Variants in SRSF10 observed in about 807,000 individuals in gnomAD.
The protein encoded by SRSF10 is serine and arginine rich splicing factor 10.
Under a neutral mutation model 32.6 loss-of-function variants are expected in SRSF10, and 9 were observed. The observed-to-expected ratio is 0.28, with a 90% CI of 0.17 to 0.48. SRSF10 has a LOEUF of 0.48. Ranked by LOEUF, SRSF10 falls within the 20% of genes least tolerant of loss-of-function variation. SRSF10 has a pLI of 0.99. For synonymous variants in SRSF10, 105 were observed against 112.4 expected (o/e 0.93, Z 0.42); for missense variants, 201 against 331.8 (o/e 0.61, Z 3.06).
rs1475647398 is a variant in SRSF10, at chr1:23,966,859, G to A, written c.*4283C>T. On this transcript the variant is annotated 3_prime_UTR_variant, in exon 6 of 6. Transcript: ENST00000492112. The stretch of plus-strand genomic sequence containing the variant: ...AATTACTTATCCTTGATCGTATATT[G>A]TGTTCTATAATTACATTGATACGAA... 6.6e-6 allele frequency: 1 copy of A among 151,932 alleles called. No homozygotes were observed. Among genetic ancestry groups the A allele is most frequent in the Non-Finnish European group, 1.5e-5 (1 of 67,924 alleles). 9.4% of individuals were successfully genotyped at this position (151,932 alleles called of 1,614,324 possible).
At position 23,970,861 on chromosome 1, in the gene SRSF10, A is replaced by G. The variant is rs1383187517; in HGVS notation, c.*281T>C. ...CAATGTTGCAAATTATGGTCAACCA[A>G]CATCTTTTCACCAAATACTTCAAGC... On this transcript the variant is annotated 3_prime_UTR_variant, in exon 6 of 6. Coordinates refer to ENST00000492112, the MANE Select transcript of SRSF10 (RefSeq NM_054016.4). 1 of 1,161,246 alleles carries G rather than the reference A, an allele frequency of 8.6e-7. No individual in the cohort carries two copies. Among genetic ancestry groups the G allele is most frequent in the Non-Finnish European group, 1.1e-6 (1 of 943,592 alleles). 71.9% of individuals were successfully genotyped at this position (1,161,246 alleles called of 1,614,324 possible).
rs1641498672 is a variant in SRSF10 at position 23,967,263 on chromosome 1, T to G, written c.*3879A>C. 1 of 161,952 alleles carries G rather than the reference T, an allele frequency of 6.2e-6. No homozygotes were observed. Among genetic ancestry groups the G allele is most frequent in the African/African-American group, 2.4e-5 (1 of 41,776 alleles). The allele number at this position is 161,952 out of a possible 1,614,324, so 10.0% of individuals were successfully genotyped here. ...AAACAAAGGCAAGATTTGCCAATAA[T>G]GGCAAAAATGGAACTTTTATATTGG... On this transcript the variant is annotated 3_prime_UTR_variant, in exon 6 of 6. Coordinates refer to ENST00000492112, the MANE Select transcript of SRSF10 (RefSeq NM_054016.4).
chr1:23,975,138 T>G (rs1393248552), intron 2 of SRSF10, 61 bp from the exon 3 acceptor site: 7 of 1,280,558 alleles, frequency 5.5e-6, no homozygotes, highest in Non-Finnish European at 6.8e-6. Context: ...GAAAGTTCAG[T>G]TGGTATGTCT....
intron 2 of SRSF10, 27 bp downstream of exon 2, chr1:23,978,686 C>T: frequency 6.2e-7 from 1 of 1,603,878 alleles, no homozygotes; most frequent in Non-Finnish European, 8.5e-7. Context: ...ACACCCCTCA[C>T]TAATCAGCCA....
chr1:23,978,606 A>G, intron 2 of SRSF10, 107 bp downstream of exon 2: 1 of 1,372,142 alleles, frequency 7.3e-7, no homozygotes. Flanking sequence ...GAAGACAGAC[A>G]TTTATTAGAG....
chr1:23,969,959 C>CAT lies in SRSF10; in HGVS notation c.*1182_*1183insAT, dbSNP rs1641646529. The stretch of plus-strand genomic sequence containing the variant: ...ATAAAGAGGCAGGCAAATTTTGATA[C>CAT]AAATGCACGAGCCAAGTGCTGTAAG... On this transcript the variant is annotated 3_prime_UTR_variant, in exon 6 of 6. Coordinates refer to ENST00000492112, the MANE Select transcript of SRSF10 (RefSeq NM_054016.4). 1.0e-6 allele frequency: 1 copy of CAT among 985,200 alleles called. No homozygotes were observed. Among genetic ancestry groups the CAT allele is most frequent in the African/African-American group, 1.7e-5 (1 of 57,178 alleles). 61.0% of individuals were successfully genotyped at this position (985,200 alleles called of 1,614,324 possible). A position where few individuals can be genotyped will look rare whatever the true frequency, so the allele number is the denominator to read the frequency against.
At chr1:23,978,566 G>A (rs1308244441) in intron 2 of SRSF10, 147 bp downstream of exon 2, 1 of 1,022,138 alleles carries the variant, frequency 9.8e-7, no homozygotes, top group African/African-American at 1.6e-5. Context: ...CGAGAGCAAT[G>A]TGTGAGTCAG....
At position 23,980,185 on chromosome 1, in the gene SRSF10, A is replaced by G; in HGVS notation, c.65+6T>C. 2 of 1,532,034 alleles carry G rather than the reference A, an allele frequency of 1.3e-6. No homozygotes were observed. Among genetic ancestry groups the G allele is most frequent in the South Asian group, 2.4e-5 (2 of 83,440 alleles). 94.9% of individuals were successfully genotyped at this position (1,532,034 alleles called of 1,614,324 possible). ...CCTAGGCCCGGAGTACCTGCCTTGT[A>G]CCTACCTGGTGTCGTCGGCCACGTT... is the stretch of plus-strand genomic sequence containing the variant. On this transcript the variant is annotated splice_donor_region_variant and intron_variant, in intron 1 of 5. Transcript: ENST00000492112.
At chr1:23,978,883 C>A in intron 1 of SRSF10, 66 bp from the exon 2 acceptor site, 1 of 1,382,032 alleles carries the variant, frequency 7.2e-7, no homozygotes, top group Non-Finnish European at 9.8e-7. Context: ...GGCAATATAT[C>A]TTTTTGATGA....
At chr1:23,979,802 G>A (rs1316767748) in intron 1 of SRSF10, among the ~76,000 whole-genome samples, 5 of 5,198 alleles carry the variant, frequency 9.6e-4, no homozygotes, top group African/African-American at 1.3e-3. Flanking sequence ...TTTTTTGGCT[G>A]GGGAAAAAAA....
chr1:23,979,999 G>A (rs1290698866), intron 1 of SRSF10, among the ~76,000 whole-genome samples, 192 bp downstream of exon 1: 2 of 152,240 alleles, frequency 1.3e-5, no homozygotes, highest in South Asian at 2.1e-4. Context: ...GCCCGGCGAA[G>A]GCAGAGGCGC....
chr1:23,970,216 A>G lies in SRSF10; in HGVS notation c.*926T>C. 2 of 985,414 alleles carry G rather than the reference A, an allele frequency of 2.0e-6. No individual in the cohort carries two copies. The highest frequency in any genetic ancestry group is 2.4e-6 in the Non-Finnish European group (2 of 829,932). The allele number at this position is 985,414 out of a possible 1,614,324, so 61.0% of individuals were successfully genotyped here. On this transcript the variant is annotated 3_prime_UTR_variant, in exon 6 of 6. Coordinates refer to ENST00000492112, the MANE Select transcript of SRSF10 (RefSeq NM_054016.4). ...TGTGTTTTCTATGTTCCAAATCTTC[A>G]TAGGAACCAGAAAAAAAGCAGTGAA... is the stretch of plus-strand genomic sequence containing the variant.
intron 3 of SRSF10, among the ~76,000 whole-genome samples, chr1:23,974,375 C>T (rs575822880): frequency 9.9e-5 from 15 of 151,898 alleles, no homozygotes; most frequent in African/African-American, 2.2e-4. Context: ...CTTGTAAGTA[C>T]GCAGCGAACA....
At chr1:23,972,492 A>G (rs1393732237) in intron 3 of SRSF10, among the ~76,000 whole-genome samples, 1 of 151,724 alleles carries the variant, frequency 6.6e-6, no homozygotes, top group African/African-American at 2.4e-5. Context: ...CCAGGCTGGA[A>G]TGCAGTGGCG....
At position 23,970,383 on chromosome 1, in the gene SRSF10, C is replaced by T. The variant is rs1641676056; in HGVS notation, c.*759G>A. ...ATCCGGTTTTTTTTTTTTTTTGAGA[C>T]GGAGTCTCACTCTGTTGCCCAGGCT... On this transcript the variant is annotated 3_prime_UTR_variant, in exon 6 of 6. Transcript: ENST00000492112. 6 of 264,514 alleles carry T rather than the reference C, an allele frequency of 2.3e-5. No homozygotes were observed. The highest frequency in any genetic ancestry group is 3.0e-5 in the African/African-American group (1 of 33,890). 16.4% of individuals were successfully genotyped at this position (264,514 alleles called of 1,614,324 possible).
intron 2 of SRSF10, chr1:23,977,311 G>A (rs1412316090): frequency 6.6e-6 from 1 of 152,144 alleles, no homozygotes; most frequent in Non-Finnish European, 1.5e-5. Context: ...ACGGAAGTAA[G>A]GTCACCTGAA....
Position 23,967,051 on chromosome 1 carries a change from T to C in SRSF10, c.*4091A>G, listed in dbSNP as rs1225880219. ...GCCCACAGTAAGGGCTCAATAAATA[T>C]TTGCTGAATATACTGACTAGGAAAG... On this transcript the variant is annotated 3_prime_UTR_variant, in exon 6 of 6. Transcript: ENST00000492112. 1 of 152,040 alleles carries C rather than the reference T, an allele frequency of 6.6e-6. No homozygotes were observed. The highest frequency in any genetic ancestry group is 1.5e-5 in the Non-Finnish European group (1 of 67,948). 9.4% of individuals were successfully genotyped at this position (152,040 alleles called of 1,614,324 possible).
At chr1:23,980,057 C>G in intron 1 of SRSF10, 134 bp downstream of exon 1, 1 of 991,158 alleles carries the variant, frequency 1.0e-6, no homozygotes, top group Non-Finnish European at 1.4e-6. Flanking sequence ...CGGCCTAGTT[C>G]GGCGCCAAAG....
chr1:23,972,993 G>A (rs967189984), intron 3 of SRSF10, among the ~76,000 whole-genome samples: 2 of 152,050 alleles, frequency 1.3e-5, no homozygotes, highest in Non-Finnish European at 2.9e-5. Flanking sequence ...GCCCCTGCCC[G>A]CCTTGACCTC....
Sources: gnomAD v4.1 joint callset for allele counts (sites outside exome capture counted in the v4.1 genomes callset) on GRCh38, gnomAD v4.1.1 for gene constraint, MANE v1.5 for transcripts, NCBI Gene and HGNC (gene_info 2026-07-23, HGNC 2026-07-21) for gene names.